The following SLC39A3 variants were observed in gnomAD, a reference collection of about 807,000 sequenced individuals.
SLC39A3 encodes zinc transporter ZIP3.
SLC39A3 carries 3 observed loss-of-function variants against 5.1 expected under a neutral mutation model. That is an observed-to-expected ratio of 0.59 (90% CI 0.27 to 1.54). The LOEUF is 1.54. Ranked by LOEUF, SLC39A3 falls within the 40% of genes most tolerant of loss-of-function variation. The pLI is 0.12. For synonymous variants in SLC39A3, 250 were observed against 218.8 expected (o/e 1.14, Z -1.26); for missense variants, 412 against 436.4 (o/e 0.94, Z 0.50).
Position 2,734,985 on chromosome 19 carries a change from G to T in SLC39A3, c.211-1500C>A. ...TGGCCCTGCAGTGGGTGAGGCTGGG[G>T]GCTCGGGAGTAGGGACCTCATCCGC... On this transcript the variant is annotated intron_variant, in intron 2 of 2. Coordinates refer to ENST00000269740, the MANE Select transcript of SLC39A3 (RefSeq NM_144564.5). This position sits in a 1 kb window ranked among gnomAD's most constrained non-coding sequence, Gnocchi z 4.6. 1 of 985,494 alleles carries T rather than the reference G, an allele frequency of 1.0e-6. No individual in the cohort carries two copies. The highest frequency in any genetic ancestry group is 1.2e-6 in the Non-Finnish European group (1 of 829,970). The allele number at this position is 985,494 out of a possible 1,614,324, so 61.0% of individuals were successfully genotyped here. A position where few individuals can be genotyped will look rare whatever the true frequency, so the allele number is the denominator to read the frequency against.
chr19:2,737,346 C>G lies in SLC39A3; in HGVS notation c.-89G>C. 6.7e-7 allele frequency: 1 copy of G among 1,502,734 alleles called. No homozygotes were observed. Among genetic ancestry groups the G allele is most frequent in the South Asian group, 1.3e-5 (1 of 75,802 alleles). The allele number at this position is 1,502,734 out of a possible 1,614,324, so 93.1% of individuals were successfully genotyped here. A position where few individuals can be genotyped will look rare whatever the true frequency, so the allele number is the denominator to read the frequency against. ...CCCACGATGTGCTACCGAGCCCAAC[C>G]ACACAGTTGGAGGCTCATGTCTCAG... is the stretch of plus-strand genomic sequence containing the variant. On this transcript the variant is annotated 5_prime_UTR_variant, in exon 2 of 3. Coordinates refer to ENST00000269740, the MANE Select transcript of SLC39A3 (RefSeq NM_144564.5).
In SLC39A3 at chr19:2,734,191, G is replaced by A. The variant is rs2098077019; in HGVS notation, c.211-706C>T. On this transcript the variant is annotated intron_variant, in intron 2 of 2. Transcript: ENST00000269740. The surrounding 1 kb of genome is among the most constrained non-coding windows in gnomAD (Gnocchi z 4.6). ...CACGCAGGCATTAGGCTATGCGCCA[G>A]GATGAAATGTCTCATGAAAGGCAGG... Among the ~76,000 whole-genome samples, 1 of 152,240 alleles carries A rather than the reference G, an allele frequency of 6.6e-6. No individual in the cohort carries two copies. Among genetic ancestry groups the A allele is most frequent in the African/African-American group, 2.4e-5 (1 of 41,462 alleles).
rs1914242861 is a variant in SLC39A3 at position 2,732,986 on chromosome 19, C to T, written c.710G>A (p.Ser237Asn). Residue 237 changes from serine to asparagine, a missense_variant, in exon 3 of 3, where the codon AGC becomes AAC. Coordinates refer to ENST00000269740, the MANE Select transcript of SLC39A3 (RefSeq NM_144564.5). ...GCCGATGCCCAGGGGGATCATGGCG[C>T]TTACGGTGACCGCCAGCTTGGCCGC... ...RDAAKLAVTVSAMIPLGIGLG... is the reference protein window; with the variant it reads ...RDAAKLAVTVNAMIPLGIGLG... 6.2e-7 allele frequency: 1 copy of T among 1,600,470 alleles called. No homozygotes were observed.
Position 2,735,111 on chromosome 19 carries a change from C to A in SLC39A3, c.211-1626G>T. Reference sequence around the variant, plus strand: ...GAAGAGCAAGCTCCCCGCAGTCGCCCAGGCCTGCAGTCAGAGGGTGACGGG... The same window carrying A: ...GAAGAGCAAGCTCCCCGCAGTCGCCAAGGCCTGCAGTCAGAGGGTGACGGG... On this transcript the variant is annotated intron_variant, in intron 2 of 2. Transcript: ENST00000269740. The surrounding 1 kb of genome is among the most constrained non-coding windows in gnomAD (Gnocchi z 5.7). 1.0e-6 allele frequency: 1 copy of A among 985,276 alleles called. No homozygotes were observed. Among genetic ancestry groups the A allele is most frequent in the East Asian group, 1.1e-4 (1 of 8,788 alleles). The allele number at this position is 985,276 out of a possible 1,614,324, so 61.0% of individuals were successfully genotyped here.
In SLC39A3 at chr19:2,735,710, T is replaced by C. The variant is rs188434507; in HGVS notation, c.210+1338A>G. Reference sequence around the variant, plus strand: ...CCCCTCTGCTGGGATTCTGACATAATGGCAGGAGTGACACGCACGGCAGTC... The same window carrying C: ...CCCCTCTGCTGGGATTCTGACATAACGGCAGGAGTGACACGCACGGCAGTC... On this transcript the variant is annotated intron_variant, in intron 2 of 2. Coordinates refer to ENST00000269740, the MANE Select transcript of SLC39A3 (RefSeq NM_144564.5). This position sits in a 1 kb window ranked among gnomAD's most constrained non-coding sequence, Gnocchi z 5.7. 606 of 400,278 alleles carry C rather than the reference T, an allele frequency of 1.5e-3. 4 individuals carry two copies. The highest frequency in any genetic ancestry group is 0.012 in the African/African-American group (566 of 45,864). The allele number at this position is 400,278 out of a possible 1,614,324, so 24.8% of individuals were successfully genotyped here.
In SLC39A3 at chr19:2,734,718, G is replaced by A; in HGVS notation, c.211-1233C>T. On this transcript the variant is annotated intron_variant, in intron 2 of 2. Transcript: ENST00000269740. The surrounding 1 kb of genome is among the most constrained non-coding windows in gnomAD (Gnocchi z 4.6). ...CCACAATGTCCCCAGGCATCGCCCA[G>A]TGTTCCCTGGGGGCAGTTCACGCTG... 6.1e-6 allele frequency: 6 copies of A among 985,106 alleles called. No individual in the cohort carries two copies. The highest frequency in any genetic ancestry group is 7.2e-6 in the Non-Finnish European group (6 of 829,608). The allele number at this position is 985,106 out of a possible 1,614,324, so 61.0% of individuals were successfully genotyped here.
rs1208293009 is a variant in SLC39A3, at chr19:2,732,696, T to C, written c.*55A>G. On this transcript the variant is annotated 3_prime_UTR_variant, in exon 3 of 3. Transcript: ENST00000269740. ...ACGCGCGGCCGGGGGACGCGGCCTGTGTCCGGCCCGGGGCTCCCGGCGGGC... is the reference window on the plus strand; with the variant it reads ...ACGCGCGGCCGGGGGACGCGGCCTGCGTCCGGCCCGGGGCTCCCGGCGGGC... 2 of 1,480,912 alleles carry C rather than the reference T, an allele frequency of 1.4e-6. No individual in the cohort carries two copies. The highest frequency in any genetic ancestry group is 1.8e-6 in the Non-Finnish European group (2 of 1,117,474). The allele number at this position is 1,480,912 out of a possible 1,614,324, so 91.7% of individuals were successfully genotyped here. A position where few individuals can be genotyped will look rare whatever the true frequency, so the allele number is the denominator to read the frequency against.
chr19:2,737,365 G>A lies in SLC39A3; in HGVS notation c.-108C>T. ...CCCAACCACACAGTTGGAGGCTCAT[G>A]TCTCAGTCCAGCAACTGTGAACATC... On this transcript the variant is annotated 5_prime_UTR_variant, in exon 2 of 3. Coordinates refer to ENST00000269740, the MANE Select transcript of SLC39A3 (RefSeq NM_144564.5). 1 of 1,479,060 alleles carries A rather than the reference G, an allele frequency of 6.8e-7. No homozygotes were observed. Among genetic ancestry groups the A allele is most frequent in the Non-Finnish European group, 9.0e-7 (1 of 1,110,958 alleles). 91.6% of individuals were successfully genotyped at this position (1,479,060 alleles called of 1,614,324 possible). A position where few individuals can be genotyped will look rare whatever the true frequency, so the allele number is the denominator to read the frequency against.
chr19:2,735,264 CGAAT>C lies in SLC39A3; in HGVS notation c.210+1780_211-1780del, dbSNP rs1914325037. 1.0e-6 allele frequency: 1 copy of C among 968,552 alleles called. No homozygotes were observed. The highest frequency in any genetic ancestry group is 1.2e-6 in the Non-Finnish European group (1 of 814,670). 60.0% of individuals were successfully genotyped at this position (968,552 alleles called of 1,614,324 possible). On this transcript the variant is annotated intron_variant, in intron 2 of 2. Transcript: ENST00000269740. The surrounding 1 kb of genome is among the most constrained non-coding windows in gnomAD (Gnocchi z 5.7). ...CAGTCTTCACACACCGCGTAACGAA[CGAAT>C]GCAGACTCAGCCACGCGGAACAGCA... is the stretch of plus-strand genomic sequence containing the variant.
rs1914497248 is a variant in SLC39A3 at position 2,739,951 on chromosome 19, G to A, written c.-129C>T. 1 of 152,294 alleles carries A rather than the reference G, an allele frequency of 6.6e-6. No individual in the cohort carries two copies. Among genetic ancestry groups the A allele is most frequent in the Non-Finnish European group, 1.5e-5 (1 of 68,236 alleles). 9.4% of individuals were successfully genotyped at this position (152,294 alleles called of 1,614,324 possible). On this transcript the variant is annotated 5_prime_UTR_variant, in exon 1 of 3. Transcript: ENST00000269740. ...TCTCTCTGCCCGCACCTACCTCCCG[G>A]GGGCCCCTCGTCCGCCGACTGGCGC...
chr19:2,740,035 CG>C (rs1914502613), upstream of SLC39A3: 1 of 152,182 alleles, frequency 6.6e-6, no homozygotes, highest in African/African-American at 2.4e-5. Context: ...GGAGAGGCCC[CG>C]CTCGGCGCGG....
chr19:2,738,138 G>A (rs1914432849), intron 1 of SLC39A3, among the ~76,000 whole-genome samples: 1 of 146,396 alleles, frequency 6.8e-6, no homozygotes, highest in Admixed American at 6.9e-5. Context: ...GGCAGAGGTT[G>A]CAGTGAGCCA....
At chr19:2,736,230 C>G in intron 2 of SLC39A3, 2 of 982,570 alleles carry the variant, frequency 2.0e-6, no homozygotes, top group Non-Finnish European at 2.4e-6. Context: ...CTCTTGACAG[C>G]CATACCCTGT....
chr19:2,735,886 G>A lies in SLC39A3; in HGVS notation c.210+1162C>T. ...ACAACAGCCCTTCTCCTCCTTTCTGGACACTAGGCACGAGGAAAAGCAGGG... is the reference window on the plus strand; with the variant it reads ...ACAACAGCCCTTCTCCTCCTTTCTGAACACTAGGCACGAGGAAAAGCAGGG... On this transcript the variant is annotated intron_variant, in intron 2 of 2. Transcript: ENST00000269740. The surrounding 1 kb of genome is among the most constrained non-coding windows in gnomAD (Gnocchi z 5.7). 1.0e-6 allele frequency: 1 copy of A among 985,502 alleles called. No individual in the cohort carries two copies. The highest frequency in any genetic ancestry group is 4.7e-5 in the South Asian group (1 of 21,282). 61.0% of individuals were successfully genotyped at this position (985,502 alleles called of 1,614,324 possible).
Position 2,732,821 on chromosome 19 carries a change from C to T in SLC39A3, c.875G>A (p.Arg292His), listed in dbSNP as rs763705723. ...LAKELEEKSD[R>H]LLKVLFLVLG... ...CACCAGGAAGAGGACCTTGAGCAGA[C>T]GGTCACTCTTCTCCTCCAGCTCCTT... The change falls in exon 3 of 3, where the codon CGT becomes CAT. Residue 292 changes from arginine (R) to histidine (H), a missense_variant. Arg to His is a conservative substitution (Grantham distance 29). Coordinates refer to ENST00000269740, the MANE Select transcript of SLC39A3 (RefSeq NM_144564.5). The T allele has an allele frequency of 1.1e-5, 18 of 1,611,546 alleles. No individual in the cohort carries two copies. Among genetic ancestry groups the T allele is most frequent in the East Asian group, 8.9e-5 (4 of 44,832 alleles).
rs537039578 is a variant in SLC39A3, at chr19:2,735,186, G to A, written c.211-1701C>T. ...AAGGGGGGCTGGCAGTGGCCTCTGC[G>A]ATGCAGGAGATGTCAGAGATGACCA... On this transcript the variant is annotated intron_variant, in intron 2 of 2. Transcript: ENST00000269740. The surrounding 1 kb of genome is among the most constrained non-coding windows in gnomAD (Gnocchi z 5.7). The A allele has an allele frequency of 1.9e-5, 19 of 985,438 alleles. No homozygotes were observed. The highest frequency in any genetic ancestry group is 1.9e-4 in the South Asian group (4 of 21,284). 61.0% of individuals were successfully genotyped at this position (985,438 alleles called of 1,614,324 possible).
In SLC39A3 at chr19:2,734,959, C is replaced by G. The variant is rs543500672; in HGVS notation, c.211-1474G>C. The G allele has an allele frequency of 3.2e-5, 32 of 985,522 alleles. No homozygotes were observed. In the African/African-American group the frequency reaches 5.1e-4, roughly 16 times the overall value. 61.0% of individuals were successfully genotyped at this position (985,522 alleles called of 1,614,324 possible). On this transcript the variant is annotated intron_variant, in intron 2 of 2. Coordinates refer to ENST00000269740, the MANE Select transcript of SLC39A3 (RefSeq NM_144564.5). The surrounding 1 kb of genome is among the most constrained non-coding windows in gnomAD (Gnocchi z 4.6). Reference sequence around the variant, plus strand: ...CCATTTTCCAGGGGTGACTGAGAGCCTGGCCCTGCAGTGGGTGAGGCTGGG... The same window carrying G: ...CCATTTTCCAGGGGTGACTGAGAGCGTGGCCCTGCAGTGGGTGAGGCTGGG...
chr19:2,734,851 T>G lies in SLC39A3; in HGVS notation c.211-1366A>C, dbSNP rs1047850072. 4 of 985,266 alleles carry G rather than the reference T, an allele frequency of 4.1e-6. No individual in the cohort carries two copies. In the African/African-American group the frequency reaches 7.0e-5, roughly 17 times the overall value. 61.0% of individuals were successfully genotyped at this position (985,266 alleles called of 1,614,324 possible). A position where few individuals can be genotyped will look rare whatever the true frequency, so the allele number is the denominator to read the frequency against. ...ATGCATGCCTCGCTTGAGGACAAGC[T>G]CATGAGGAACTCTAGCTACTCCCAA... On this transcript the variant is annotated intron_variant, in intron 2 of 2. Coordinates refer to ENST00000269740, the MANE Select transcript of SLC39A3 (RefSeq NM_144564.5). This position sits in a 1 kb window ranked among gnomAD's most constrained non-coding sequence, Gnocchi z 4.6.
intron 1 of SLC39A3, among the ~76,000 whole-genome samples, chr19:2,738,307 G>A (rs532468546): frequency 4.1e-4 from 62 of 152,070 alleles, no homozygotes; most frequent in African/African-American, 1.5e-3. Context: ...TGACTTCTGT[G>A]GTTACCGTAT....
Sources: gnomAD v4.1 joint callset for allele counts (sites outside exome capture counted in the v4.1 genomes callset) on GRCh38, gnomAD v4.1.1 for gene constraint, Gnocchi (gnomAD v3.1) non-coding constraint, MANE v1.5 for transcripts, NCBI Gene and HGNC (gene_info 2026-07-23, HGNC 2026-07-21) for gene names.